The following ARHGAP21 variants were observed in gnomAD, a reference collection of about 807,000 sequenced individuals.
ARHGAP21 encodes the protein Rho GTPase activating protein 21, also known as rho GTPase-activating protein 21.
A neutral mutation model predicts 164.6 loss-of-function variants in ARHGAP21; 38 were observed. The ratio of observed to expected loss-of-function variants is 0.23; its 90% confidence interval spans 0.18 to 0.30. The LOEUF is 0.30. Among genes scored for constraint, ARHGAP21 ranks in the 10% least tolerant of loss-of-function variants. The pLI is 1.00. For missense variants in ARHGAP21, 1,822 were observed against 2,370.7 expected (o/e 0.77, Z 4.81); for synonymous variants, 766 against 857.9 (o/e 0.89, Z 1.87).
intron 2 of ARHGAP21, among the ~76,000 whole-genome samples, chr10:24,716,560 G>A (rs951174177): frequency 6.6e-6 from 1 of 152,236 alleles, no homozygotes; most frequent in Non-Finnish European, 1.5e-5. Context: ...CAGGAGGTGC[G>A]CTCAGGGAGG....
chr10:24,619,929 G>T lies in ARHGAP21; in HGVS notation c.1966C>A (p.His656Asn). ...TGCTGATTCAACAGACTGTTCTGATGCAAGTGATTTACTGGTCTTTGGTCT... is the reference window on the plus strand; with the variant it reads ...TGCTGATTCAACAGACTGTTCTGATTCAAGTGATTTACTGGTCTTTGGTCT... ...IKDQRPVNHL[H>N]QNSLLNQQTW... is the part of the protein sequence containing the mutation. Residue 656 changes from histidine to asparagine, a missense_variant, in exon 9 of 26, where the codon CAT (histidine) becomes AAT (asparagine). This residue lies in a region of ARHGAP21 where 1,090 missense variants were observed against 1,378.9 expected (regional missense o/e 0.79). Transcript: ENST00000396432. 1 of 1,614,148 alleles carries T rather than the reference G, an allele frequency of 6.2e-7. No homozygotes were observed. The highest frequency in any genetic ancestry group is 8.5e-7 in the Non-Finnish European group (1 of 1,180,034).
chr10:24,686,240 G>GT (rs1842196620), intron 2 of ARHGAP21, among the ~76,000 whole-genome samples: 1 of 151,992 alleles, frequency 6.6e-6, no homozygotes, highest in Non-Finnish European at 1.5e-5. Context: ...AACCAGCTGT[G>GT]TAACATGATG....
chr10:24,688,509 A>G (rs1317488864), intron 2 of ARHGAP21, among the ~76,000 whole-genome samples: 1 of 152,242 alleles, frequency 6.6e-6, no homozygotes. Flanking sequence ...ACTATGCATT[A>G]GGGTCCAAAT....
At chr10:24,614,140 A>C (rs2077378050) in intron 9 of ARHGAP21, among the ~76,000 whole-genome samples, 1 of 152,216 alleles carries the variant, frequency 6.6e-6, no homozygotes, top group Admixed American at 6.5e-5. Flanking sequence ...GTACACAGAA[A>C]AGCAGCAAGG....
At chr10:24,644,911 A>G (rs563943366) in intron 4 of ARHGAP21, among the ~76,000 whole-genome samples, 85 of 152,300 alleles carry the variant, frequency 5.6e-4, no homozygotes, top group African/African-American at 2.0e-3. Context: ...AGAACTCTAG[A>G]AACAAATTTT....
At chr10:24,672,865 CCAAAAACAAAAA>C (rs997306942) in intron 2 of ARHGAP21, among the ~76,000 whole-genome samples, 2 of 151,064 alleles carry the variant, frequency 1.3e-5, no homozygotes, top group African/African-American at 4.9e-5. Context: ...ATACAGTATA[CCAAAAACAAAAA>C]CAAAAACAAA....
chr10:24,664,564 AAATAATAAT>A (rs1312225404), intron 4 of ARHGAP21, among the ~76,000 whole-genome samples: 2 of 149,106 alleles, frequency 1.3e-5, no homozygotes, highest in Non-Finnish European at 3.0e-5. Flanking sequence ...CAAAAAAAAA[AAATAATAAT>A]AATAATAATA....
At chr10:24,628,920 T>TAC (rs1835473452) in intron 7 of ARHGAP21, 1 of 110,532 alleles carries the variant, frequency 9.0e-6, no homozygotes, top group Admixed American at 1.0e-4. Flanking sequence ...TATATACACA[T>TAC]ATATATACAT....
chr10:24,628,942 C>T (rs1465540651), intron 7 of ARHGAP21: 30 of 85,154 alleles, frequency 3.5e-4, no homozygotes, highest in Non-Finnish European at 5.6e-4. Context: ...CATATATATA[C>T]ACACACACAC....
At chr10:24,719,604 A>G (rs1474566460) in intron 2 of ARHGAP21, among the ~76,000 whole-genome samples, 1 of 152,236 alleles carries the variant, frequency 6.6e-6, no homozygotes, top group Middle Eastern at 3.2e-3. Flanking sequence ...AAAACACAAT[A>G]ATAAATGTAG....
intron 2 of ARHGAP21, among the ~76,000 whole-genome samples, chr10:24,670,841 C>A (rs1342790147): frequency 6.6e-6 from 1 of 152,122 alleles, no homozygotes; most frequent in East Asian, 1.9e-4. Flanking sequence ...TAGAAAATAA[C>A]AGAAAAGGTC....
intron 2 of ARHGAP21, among the ~76,000 whole-genome samples, chr10:24,695,441 T>C (rs1017381262): frequency 6.6e-6 from 1 of 151,656 alleles, no homozygotes; most frequent in Non-Finnish European, 1.5e-5. Flanking sequence ...TGGTGGCGGG[T>C]GCCTGTAATT....
chr10:24,695,309 C>T (rs936655668), intron 2 of ARHGAP21, among the ~76,000 whole-genome samples: 2 of 152,046 alleles, frequency 1.3e-5, no homozygotes, highest in African/African-American at 4.8e-5. Context: ...TGGCTCACGC[C>T]TATAATCCCA....
chr10:24,675,985 T>C (rs1841184360), intron 2 of ARHGAP21, among the ~76,000 whole-genome samples: 1 of 151,858 alleles, frequency 6.6e-6, no homozygotes. Flanking sequence ...CCATCTCTAT[T>C]AAAAATACAA....
At chr10:24,631,502 T>A (rs972756143) in intron 6 of ARHGAP21, among the ~76,000 whole-genome samples, 15 of 152,232 alleles carry the variant, frequency 9.9e-5, no homozygotes, top group African/African-American at 3.4e-4. Flanking sequence ...TAAGAAACAA[T>A]CAACAACAAA....
chr10:24,655,550 G>A (rs915752206), intron 4 of ARHGAP21, among the ~76,000 whole-genome samples: 27 of 152,102 alleles, frequency 1.8e-4, no homozygotes, highest in South Asian at 6.2e-4. Flanking sequence ...AGGAGCGGAC[G>A]GGCCCCGCGG....
chr10:24,659,209 C>G (rs1463834373), intron 4 of ARHGAP21, among the ~76,000 whole-genome samples: 1 of 152,190 alleles, frequency 6.6e-6, no homozygotes, highest in Non-Finnish European at 1.5e-5. Context: ...AAATTGAAAA[C>G]AAGAATTCAG....
At chr10:24,718,601 A>C (rs889793320) in intron 2 of ARHGAP21, among the ~76,000 whole-genome samples, 1 of 152,206 alleles carries the variant, frequency 6.6e-6, no homozygotes, top group Non-Finnish European at 1.5e-5. Flanking sequence ...TCTGGGATGA[A>C]AGCAAAAGCA....
intron 14 of ARHGAP21, among the ~76,000 whole-genome samples, chr10:24,598,396 G>T (rs2076672266): frequency 6.6e-6 from 1 of 152,134 alleles, no homozygotes; most frequent in East Asian, 1.9e-4. Context: ...TCTTCAAAAA[G>T]AAAAACAAAT....
Sources: allele counts gnomAD v4.1 joint callset (sites outside exome capture counted in the v4.1 genomes callset), GRCh38; gene constraint gnomAD v4.1.1; regional missense constraint gnomAD v4.1.1; transcripts MANE v1.5; gene names NCBI Gene and HGNC (gene_info 2026-07-23, HGNC 2026-07-21).